The following MANBA variants were observed in gnomAD, a reference collection of about 807,000 sequenced individuals.
The protein encoded by MANBA is mannosidase beta, also known as beta-mannosidase.
MANBA carries 83 observed loss-of-function variants against 111.1 expected under a neutral mutation model. That is an observed-to-expected ratio of 0.75 (90% CI 0.63 to 0.90). The LOEUF (loss-of-function observed/expected upper bound fraction) is 0.90. Ranked by LOEUF, MANBA falls within the 40% of genes least tolerant of loss-of-function variation. MANBA has a pLI of 0.00. For synonymous variants in MANBA, 370 were observed against 378.7 expected (o/e 0.98, Z 0.27); for missense variants, 1,036 against 1,069.0 (o/e 0.97, Z 0.43).
chr4:102,703,638 C>T (rs1482345988), intron 5 of MANBA, among the ~76,000 whole-genome samples: 1 of 152,188 alleles, frequency 6.6e-6, no homozygotes, highest in Non-Finnish European at 1.5e-5. Context: ...GATGGATCAG[C>T]TGACACCACC....
intron 15 of MANBA, 145 bp from the exon 16 acceptor site, chr4:102,635,190 A>T: frequency 2.5e-6 from 2 of 797,474 alleles, no homozygotes; most frequent in Non-Finnish European, 4.1e-6. Flanking sequence ...AGTCCTGCAA[A>T]ATACTAGCTA....
intron 5 of MANBA, among the ~76,000 whole-genome samples, chr4:102,704,072 G>C (rs941234043): frequency 1.6e-4 from 25 of 151,842 alleles, no homozygotes; most frequent in Non-Finnish European, 2.2e-4. Flanking sequence ...TCCAGCCTGG[G>C]TAACAGAGCA....
chr4:102,668,162 C>T (rs1287280477), intron 10 of MANBA: 1 of 152,144 alleles, frequency 6.6e-6, no homozygotes, highest in Non-Finnish European at 1.5e-5. Context: ...ATCTGTGTTT[C>T]AAAGCATGAT....
intron 5 of MANBA, among the ~76,000 whole-genome samples, chr4:102,714,069 G>A (rs546681751): frequency 3.3e-5 from 5 of 152,222 alleles, no homozygotes; most frequent in Non-Finnish European, 5.9e-5. Flanking sequence ...CCAGTCTAAC[G>A]GTGTGAGCAA....
In MANBA at chr4:102,717,751, C is replaced by A. The variant is rs567017026; in HGVS notation, c.550-3190G>T. Among the ~76,000 whole-genome samples the A allele has an allele frequency of 6.2e-4, 95 of 152,224 alleles. 1 individual carries two copies. Among genetic ancestry groups the A allele is most frequent in the African/African-American group, 2.2e-3 (92 of 41,532 alleles). On this transcript the variant is annotated intron_variant, in intron 4 of 16. Coordinates refer to ENST00000647097, the MANE Select transcript of MANBA (RefSeq NM_005908.4). Reference sequence around the variant, plus strand: ...CAAAGGTCTGGAGGTGCAGGACAGTCTGATGCATTCCAGAAGCTGAAGAGA... The same window carrying A: ...CAAAGGTCTGGAGGTGCAGGACAGTATGATGCATTCCAGAAGCTGAAGAGA...
intron 11 of MANBA, chr4:102,659,072 AAG>A (rs1730798032): frequency 6.6e-6 from 1 of 152,102 alleles, no homozygotes; most frequent in South Asian, 2.1e-4. Flanking sequence ...GAGAGAGAGA[AAG>A]AGAGAGAATC....
chr4:102,756,466 C>T lies in MANBA; in HGVS notation c.177+4252G>A, dbSNP rs1724021656. ...GGATGGGGAACATCACACACTGGGA[C>T]CTGTCATGAGGTTGGGGGCTGGGGG... On this transcript the variant is annotated intron_variant, in intron 1 of 16. Transcript: ENST00000647097. 4.6e-5 allele frequency among the ~76,000 whole-genome samples: 7 copies of T among 152,010 alleles called. No individual in the cohort carries two copies. In the South Asian group the frequency reaches 1.5e-3, roughly 32 times the overall value.
intron 1 of MANBA, among the ~76,000 whole-genome samples, chr4:102,743,900 G>A (rs1168903719): frequency 3.3e-5 from 5 of 152,184 alleles, no homozygotes; most frequent in Non-Finnish European, 7.4e-5. Flanking sequence ...AGCAGCCTCT[G>A]CCATGATTCA....
Position 102,631,054 on chromosome 4 carries a change from T to A in MANBA, c.*1003A>T, listed in dbSNP as rs1490312546. The A allele has an allele frequency of 6.6e-6, 1 of 151,608 alleles. No homozygotes were observed. The highest frequency in any genetic ancestry group is 2.4e-5 in the African/African-American group (1 of 41,120). The allele number at this position is 151,608 out of a possible 1,614,324, so 9.4% of individuals were successfully genotyped here. ...AGAACATGACATAATATTTACCAAG[T>A]AAGACTCTACGGAGTCCCAGCCCTA... is the stretch of plus-strand genomic sequence containing the variant. On this transcript the variant is annotated 3_prime_UTR_variant, in exon 17 of 17. Coordinates refer to ENST00000647097, the MANE Select transcript of MANBA (RefSeq NM_005908.4).
At chr4:102,687,045 C>T (rs912928152) in intron 7 of MANBA, among the ~76,000 whole-genome samples, 3 of 152,164 alleles carry the variant, frequency 2.0e-5, no homozygotes, top group East Asian at 1.9e-4. Context: ...CCCCTTCCCC[C>T]AAACCTTCTC....
intron 5 of MANBA, among the ~76,000 whole-genome samples, chr4:102,709,386 GAAAGAAAGAAAGAAAAA>G (rs1227198525): frequency 4.5e-4 from 52 of 115,100 alleles, no homozygotes; most frequent in Admixed American, 1.2e-3. Flanking sequence ...AAGGAAGGAA[GAAAGAAAGAAAGAAAAA>G]AAAGAAAGAA....
intron 13 of MANBA, among the ~76,000 whole-genome samples, chr4:102,650,152 G>A (rs1730265963): frequency 6.6e-6 from 1 of 152,178 alleles, no homozygotes; most frequent in Non-Finnish European, 1.5e-5. Flanking sequence ...ATACTCAATT[G>A]TGGTGGCATC....
chr4:102,739,253 G>A (rs1330239044), intron 1 of MANBA, among the ~76,000 whole-genome samples: 4 of 152,290 alleles, frequency 2.6e-5, no homozygotes, highest in East Asian at 3.9e-4. Flanking sequence ...ATTGAAACAG[G>A]AAGAAATAGA....
At chr4:102,642,448 A>C (rs998348921) in intron 13 of MANBA, among the ~76,000 whole-genome samples, 3 of 152,166 alleles carry the variant, frequency 2.0e-5, no homozygotes, top group Non-Finnish European at 4.4e-5. Flanking sequence ...TCTACTAAAA[A>C]TACAAAAAAT....
chr4:102,661,979 A>G (rs1296483753), intron 11 of MANBA, among the ~76,000 whole-genome samples: 1 of 152,254 alleles, frequency 6.6e-6, no homozygotes, highest in Admixed American at 6.5e-5. Context: ...GTGGTTATGT[A>G]GCTTTTAATA....
At position 102,690,738 on chromosome 4, in the gene MANBA, T is replaced by C. The variant is rs775606031; in HGVS notation, c.707A>G (p.Glu236Gly). The change falls in exon 6 of 17, where the codon GAG becomes GGG. Residue 236 changes from glutamate to glycine, a missense_variant. By Grantham distance (98) the Glu-to-Gly change is moderately conservative (BLOSUM62 -2). Transcript: ENST00000647097. ...TGAGCTGACAACATCAAATGTAGAC[T>C]CTATTTCCAGATTCCACTCCTGGGC... ...KSAQEWNLEI[E>G]STFDVVSSKP... The C allele has an allele frequency of 1.9e-6, 3 of 1,586,690 alleles. No individual in the cohort carries two copies. Among genetic ancestry groups the C allele is most frequent in the Non-Finnish European group, 2.6e-6 (3 of 1,163,708 alleles).
At chr4:102,712,733 T>C (rs1722134777) in intron 5 of MANBA, among the ~76,000 whole-genome samples, 1 of 152,070 alleles carries the variant, frequency 6.6e-6, no homozygotes, top group South Asian at 2.1e-4. Context: ...TTTGCCATGT[T>C]GTCTAGGTCG....
chr4:102,698,550 G>A (rs1166816812), intron 5 of MANBA, among the ~76,000 whole-genome samples: 1 of 147,676 alleles, frequency 6.8e-6, no homozygotes, highest in Non-Finnish European at 1.5e-5. Flanking sequence ...GTAAGGAAGG[G>A]ATCCAGTTTC....
chr4:102,656,051 C>T (rs1321415459), intron 12 of MANBA, among the ~76,000 whole-genome samples: 1 of 152,066 alleles, frequency 6.6e-6, no homozygotes, highest in African/African-American at 2.4e-5. Flanking sequence ...TCAGGAGTTC[C>T]AGACCAGCCT....
Sources: gnomAD v4.1 joint callset for allele counts (sites outside exome capture counted in the v4.1 genomes callset) on GRCh38, gnomAD v4.1.1 for gene constraint, MANE v1.5 for transcripts, NCBI Gene and HGNC (gene_info 2026-07-23, HGNC 2026-07-21) for gene names.